Variants in TLE1 observed in about 807,000 individuals in gnomAD.
TLE1 encodes TLE family member 1, transcriptional corepressor, also known as transducin-like enhancer protein 1.
Under a neutral mutation model 89.8 loss-of-function variants are expected in TLE1, and 21 were observed. The observed-to-expected ratio is 0.23, with a 90% CI of 0.17 to 0.34. TLE1 has a LOEUF of 0.34. TLE1 is among the 10% of genes least tolerant of loss of function. The pLI is 1.00. For synonymous variants in TLE1, 447 were observed against 407.6 expected, an observed-to-expected ratio of 1.10 and a Z score of -1.16; for missense variants, 795 against 1,031.2, an observed-to-expected ratio of 0.77 and a Z score of 3.14.
At chr9:81,611,652 G>T in intron 13 of TLE1, 117 bp downstream of exon 13, 1 of 1,033,036 alleles carries the variant, frequency 9.7e-7, no homozygotes, top group Non-Finnish European at 1.3e-6. Flanking sequence ...TCCGAGGTGT[G>T]TGGGGCTGGC....
At chr9:81,600,091 A>G (rs1460631536) in intron 14 of TLE1, 2 of 744,886 alleles carry the variant, frequency 2.7e-6, no homozygotes, top group African/African-American at 1.7e-5. Flanking sequence ...CAAACTTCTC[A>G]ATGTGCTGGG....
intron 4 of TLE1, among the ~76,000 whole-genome samples, chr9:81,674,409 A>G (rs1230225452): frequency 6.6e-6 from 1 of 152,168 alleles, no homozygotes; most frequent in Non-Finnish European, 1.5e-5. Context: ...GGAAGGCCAC[A>G]GCATTGAAGG....
intron 8 of TLE1, among the ~76,000 whole-genome samples, chr9:81,631,936 G>C (rs189215282): frequency 6.6e-6 from 1 of 152,062 alleles, no homozygotes; most frequent in African/African-American, 2.4e-5. Context: ...AACCCCGTCT[G>C]TACTAAAAAT....
At chr9:81,676,224 AAC>A (rs1832889539) in intron 4 of TLE1, among the ~76,000 whole-genome samples, 2 of 152,196 alleles carry the variant, frequency 1.3e-5, no homozygotes, top group African/African-American at 4.8e-5. Flanking sequence ...GAGTACCCAA[AAC>A]ACAATATAAT....
intron 8 of TLE1, among the ~76,000 whole-genome samples, chr9:81,624,953 T>C (rs953217933): frequency 2.6e-5 from 4 of 152,114 alleles, no homozygotes; most frequent in Non-Finnish European, 4.4e-5. Context: ...ACATATGGCA[T>C]ACACTTGTGG....
chr9:81,674,415 G>C (rs1832629152), intron 4 of TLE1, among the ~76,000 whole-genome samples: 2 of 152,142 alleles, frequency 1.3e-5, no homozygotes, highest in Admixed American at 1.3e-4. Flanking sequence ...CCACAGCATT[G>C]AAGGGCCTGG....
rs761493251 is a variant in TLE1 at position 81,652,302 on chromosome 9, G to A, written c.298-14C>T. 6.2e-7 allele frequency: 1 copy of A among 1,611,874 alleles called. No individual in the cohort carries two copies. The highest frequency in any genetic ancestry group is 8.5e-7 in the Non-Finnish European group (1 of 1,178,474). On this transcript the variant is annotated splice_polypyrimidine_tract_variant and intron_variant, in intron 5 of 19. Coordinates refer to ENST00000376499, the MANE Select transcript of TLE1 (RefSeq NM_005077.5). ...CTGTTGTTGATGCTTTGAAAACAAG[G>A]AGAAGAAAGGGCATTAGCAACAGCC...
chr9:81,624,392 C>T (rs1246555947), intron 8 of TLE1, among the ~76,000 whole-genome samples: 1 of 152,174 alleles, frequency 6.6e-6, no homozygotes, highest in Non-Finnish European at 1.5e-5. Context: ...TACACACAGG[C>T]TTCATGGCAT....
In TLE1 at chr9:81,597,307, G is replaced by A. The variant is rs576571313; in HGVS notation, c.1332-4033C>T. On this transcript the variant is annotated intron_variant, in intron 14 of 19. Coordinates refer to ENST00000376499, the MANE Select transcript of TLE1 (RefSeq NM_005077.5). ...AAAAAAAGCCAAGTGAAGATACGTTGAATTGAGGGCTTTATCTCAACCAGT... is the reference window on the plus strand; with the variant it reads ...AAAAAAAGCCAAGTGAAGATACGTTAAATTGAGGGCTTTATCTCAACCAGT... Among the ~76,000 whole-genome samples the A allele has an allele frequency of 2.0e-5, 3 of 152,208 alleles. No homozygotes were observed. The South Asian group carries it at 6.2e-4, about 32-fold the overall frequency.
chr9:81,627,062 A>T (rs1316293113), intron 8 of TLE1, among the ~76,000 whole-genome samples: 1 of 152,128 alleles, frequency 6.6e-6, no homozygotes, highest in Non-Finnish European at 1.5e-5. Flanking sequence ...CTAATGCAAG[A>T]AATGGCCCTG....
intron 4 of TLE1, among the ~76,000 whole-genome samples, chr9:81,671,667 C>A (rs1475998665): frequency 6.6e-6 from 1 of 151,854 alleles, no homozygotes; most frequent in East Asian, 1.9e-4. Flanking sequence ...GAAAAAAAAT[C>A]TATATACTCA....
chr9:81,637,220 T>C (rs889825318), intron 6 of TLE1, among the ~76,000 whole-genome samples: 4 of 151,866 alleles, frequency 2.6e-5, no homozygotes, highest in African/African-American at 4.8e-5. Context: ...TAGCCGGGCG[T>C]GGTGGTGCAT....
intron 9 of TLE1, among the ~76,000 whole-genome samples, chr9:81,618,563 T>C (rs2132152642): frequency 6.6e-6 from 1 of 152,232 alleles, no homozygotes; most frequent in East Asian, 1.9e-4. Flanking sequence ...TAATCCTAAA[T>C]AACAGTCTAC....
At chr9:81,669,754 C>G (rs1444372344) in intron 4 of TLE1, among the ~76,000 whole-genome samples, 1 of 152,072 alleles carries the variant, frequency 6.6e-6, no homozygotes, top group Non-Finnish European at 1.5e-5. Context: ...TCCTTAGATA[C>G]AAAATATTCT....
chr9:81,630,056 C>T (rs1327741206), intron 8 of TLE1, among the ~76,000 whole-genome samples: 2 of 152,116 alleles, frequency 1.3e-5, no homozygotes, highest in Non-Finnish European at 2.9e-5. Context: ...TACACACCCA[C>T]ATTCCCTGCG....
intron 4 of TLE1, among the ~76,000 whole-genome samples, chr9:81,672,955 A>C (rs1832410480): frequency 6.6e-6 from 1 of 152,148 alleles, no homozygotes; most frequent in Admixed American, 6.5e-5. Context: ...TGGCCAAAGT[A>C]AGACATTTTA....
In TLE1 at chr9:81,649,189, G is replaced by A. The variant is rs76767779; in HGVS notation, c.372+3025C>T. Among the ~76,000 whole-genome samples the A allele has an allele frequency of 2.5e-3, 386 of 152,238 alleles. 3 individuals are homozygous for A. The highest frequency in any genetic ancestry group is 8.8e-3 in the African/African-American group (364 of 41,524). Reference sequence around the variant, plus strand: ...AGAAGCTTATTTTTCTTAAATACCGGTACTCTATGTAAGTTGAAGGCAGGT... The same window carrying A: ...AGAAGCTTATTTTTCTTAAATACCGATACTCTATGTAAGTTGAAGGCAGGT... On this transcript the variant is annotated intron_variant, in intron 6 of 19. Transcript: ENST00000376499.
intron 4 of TLE1, among the ~76,000 whole-genome samples, chr9:81,675,498 G>GC (rs147533720): frequency 0.022 from 3,406 of 152,020 alleles, 138 homozygotes; most frequent in African/African-American, 0.077. Flanking sequence ...CTAGGCCCCA[G>GC]CAACATGCTA....
At position 81,688,185 on chromosome 9, in the gene TLE1, T is replaced by C. The variant is rs929972501; in HGVS notation, c.24+32A>G. 4.4e-6 allele frequency: 7 copies of C among 1,600,502 alleles called. No individual in the cohort carries two copies. In the Admixed American group the frequency reaches 6.8e-5, roughly 15 times the overall value. ...GGGAGAAGCGCCTCCCCAACGATCCTGGCCCCCCACCACCACCCAGCCGCG... is the reference window on the plus strand; with the variant it reads ...GGGAGAAGCGCCTCCCCAACGATCCCGGCCCCCCACCACCACCCAGCCGCG... On this transcript the variant is annotated intron_variant, in intron 1 of 19. Transcript: ENST00000376499.
Sources: allele counts gnomAD v4.1 joint callset (sites outside exome capture counted in the v4.1 genomes callset), GRCh38; gene constraint gnomAD v4.1.1; transcripts MANE v1.5; gene names NCBI Gene and HGNC (gene_info 2026-07-23, HGNC 2026-07-21).